Variants in PTPRG observed in about 807,000 individuals in gnomAD.
The protein encoded by PTPRG is protein tyrosine phosphatase receptor type G, also known as receptor-type tyrosine-protein phosphatase gamma.
PTPRG carries 102 observed loss-of-function variants against 165.3 expected under a neutral mutation model. The observed-to-expected ratio is 0.62, with a 90% CI of 0.53 to 0.73. PTPRG has a LOEUF of 0.73. Ranked by LOEUF, PTPRG falls within the 30% of genes least tolerant of loss-of-function variation. PTPRG has a pLI of 0.00. For synonymous variants in PTPRG, 675 were observed against 669.5 expected, an observed-to-expected ratio of 1.01 and a Z score of -0.13; for missense variants, 1,866 against 1,861.4, an observed-to-expected ratio of 1.00 and a Z score of -0.05.
chr3:61,724,273 T>C (rs2032169350), intron 1 of PTPRG, among the ~76,000 whole-genome samples: 1 of 151,672 alleles, frequency 6.6e-6, no homozygotes, highest in African/African-American at 2.4e-5. Context: ...ATATAGTGTG[T>C]GACTTTCATA....
intron 2 of PTPRG, among the ~76,000 whole-genome samples, chr3:61,885,306 T>C (rs1178924070): frequency 6.6e-6 from 1 of 152,188 alleles, no homozygotes; most frequent in African/African-American, 2.4e-5. Flanking sequence ...TGTGGATTTC[T>C]TTTTTACTAC....
intron 2 of PTPRG, among the ~76,000 whole-genome samples, chr3:61,887,141 TA>T (rs2038065488): frequency 5.5e-5 from 3 of 54,716 alleles, no homozygotes; most frequent in South Asian, 1.3e-3. Context: ...TATATATATA[TA>T]TATATATATA....
intron 2 of PTPRG, among the ~76,000 whole-genome samples, chr3:61,901,010 G>T (rs185418605): frequency 2.0e-5 from 3 of 152,294 alleles, no homozygotes; most frequent in Middle Eastern, 3.4e-3. Flanking sequence ...TTAGTTCAGC[G>T]CCTGGAACAT....
At chr3:61,989,899 G>T (rs893224280) in intron 3 of PTPRG, 95 bp downstream of exon 3, 2 of 1,373,860 alleles carry the variant, frequency 1.5e-6, no homozygotes, top group Non-Finnish European at 2.0e-6. Context: ...TCCTTAAATA[G>T]TGCACATTGC....
At chr3:61,632,306 TACAC>T (rs1025266929) in intron 1 of PTPRG, among the ~76,000 whole-genome samples, 5 of 123,604 alleles carry the variant, frequency 4.0e-5, no homozygotes, top group Admixed American at 3.2e-4. Flanking sequence ...GAGACCCTGT[TACAC>T]ACGCACATAC....
intron 15 of PTPRG, among the ~76,000 whole-genome samples, chr3:62,244,449 A>C (rs1033787016): frequency 2.0e-5 from 3 of 152,206 alleles, no homozygotes; most frequent in Non-Finnish European, 4.4e-5. Context: ...GGTTAGGTGT[A>C]ATAGGATGTG....
At chr3:62,031,119 C>A (rs905679210) in intron 4 of PTPRG, among the ~76,000 whole-genome samples, 2 of 152,114 alleles carry the variant, frequency 1.3e-5, no homozygotes, top group South Asian at 2.1e-4. Flanking sequence ...TGAACAAATA[C>A]GTAATCAACA....
intron 2 of PTPRG, among the ~76,000 whole-genome samples, chr3:61,775,593 C>T (rs888145467): frequency 1.3e-5 from 2 of 152,022 alleles, no homozygotes; most frequent in Non-Finnish European, 2.9e-5. Flanking sequence ...CTCAACAATC[C>T]TAGAAATAGC....
At position 62,265,896 on chromosome 3, in the gene PTPRG, T is replaced by TACACACACACACAC. The variant is rs143246257; in HGVS notation, c.2657-1497_2657-1484dup. On this transcript the variant is annotated intron_variant, in intron 17 of 29. Coordinates refer to ENST00000474889, the MANE Select transcript of PTPRG (RefSeq NM_002841.4). Reference sequence around the variant, plus strand: ...CACACGTATACATCTGTGCCTTATATACACACACACACACACACACACACA... The same window carrying TACACACACACACAC: ...CACACGTATACATCTGTGCCTTATATACACACACACACACACACACACACACACACACACACACA... 4.7e-3 allele frequency among the ~76,000 whole-genome samples: 615 copies of TACACACACACACAC among 130,596 alleles called. 7 individuals are homozygous for TACACACACACACAC. The highest frequency in any genetic ancestry group is 0.012 in the Middle Eastern group (3 of 246). The allele number at this position is 130,596 out of a possible 152,430, so 85.7% of individuals were successfully genotyped here.
intron 2 of PTPRG, among the ~76,000 whole-genome samples, chr3:61,902,238 G>A (rs1255623434): frequency 1.3e-5 from 2 of 152,176 alleles, no homozygotes; most frequent in African/African-American, 4.8e-5. Context: ...ATGTTAGGGT[G>A]GCCTAAGGTA....
chr3:62,042,563 C>T (rs949505711), intron 4 of PTPRG, among the ~76,000 whole-genome samples: 1 of 152,116 alleles, frequency 6.6e-6, no homozygotes, highest in African/African-American at 2.4e-5. Flanking sequence ...CGCACCGCCA[C>T]CCTGCATGAC....
chr3:62,162,225 AT>A (rs1487892452), intron 7 of PTPRG, among the ~76,000 whole-genome samples: 1 of 152,214 alleles, frequency 6.6e-6, no homozygotes, highest in Non-Finnish European at 1.5e-5. Flanking sequence ...TACTTTTATA[AT>A]AAAAACTAAG....
At chr3:62,123,796 G>A (rs1703172685) in intron 5 of PTPRG, among the ~76,000 whole-genome samples, 1 of 151,952 alleles carries the variant, frequency 6.6e-6, no homozygotes, top group South Asian at 2.1e-4. Flanking sequence ...GTGTCAAAAA[G>A]GTAATTTCTG....
At chr3:61,736,246 AAGGTTC>A (rs1465148553) in intron 1 of PTPRG, among the ~76,000 whole-genome samples, 1 of 151,206 alleles carries the variant, frequency 6.6e-6, no homozygotes, top group African/African-American at 2.4e-5. Context: ...TCACTGACAT[AAGGTTC>A]CTCTGAAATC....
chr3:62,086,488 CT>C (rs1424406075), intron 5 of PTPRG, among the ~76,000 whole-genome samples: 1 of 152,070 alleles, frequency 6.6e-6, no homozygotes, highest in African/African-American at 2.4e-5. Context: ...TTAGAACTTC[CT>C]TCTTAGACTG....
At chr3:62,083,764 G>A (rs184032115) in intron 5 of PTPRG, among the ~76,000 whole-genome samples, 1 of 152,134 alleles carries the variant, frequency 6.6e-6, no homozygotes, top group Non-Finnish European at 1.5e-5. Context: ...CTTGGCTTCC[G>A]TCTGTTTCTT....
chr3:62,204,096 A>G, intron 12 of PTPRG, 146 bp downstream of exon 12: 1 of 1,352,952 alleles, frequency 7.4e-7, no homozygotes. Flanking sequence ...AGGTGCACAC[A>G]TGTGAAATGT....
chr3:62,185,153 T>C (rs899184855), intron 8 of PTPRG, among the ~76,000 whole-genome samples: 2 of 152,048 alleles, frequency 1.3e-5, no homozygotes, highest in African/African-American at 4.8e-5. Flanking sequence ...GGGATCATAA[T>C]TAAAGGTGGT....
rs1043363758 is a variant in PTPRG at position 61,989,900 on chromosome 3, T to A, written c.370+96T>A. The A allele has an allele frequency of 1.2e-5, 16 of 1,347,926 alleles. No homozygotes were observed. In the African/African-American group the frequency reaches 2.4e-4, roughly 20 times the overall value. The allele number at this position is 1,347,926 out of a possible 1,614,324, so 83.5% of individuals were successfully genotyped here. On this transcript the variant is annotated intron_variant, in intron 3 of 29. Coordinates refer to ENST00000474889, the MANE Select transcript of PTPRG (RefSeq NM_002841.4). The stretch of plus-strand genomic sequence containing the variant: ...TAACCATGACTTGCTCCTTAAATAG[T>A]GCACATTGCTGTGGGGAGCCTAAAT...
Sources: allele counts gnomAD v4.1 joint callset (sites outside exome capture counted in the v4.1 genomes callset), GRCh38; gene constraint gnomAD v4.1.1; transcripts MANE v1.5; gene names NCBI Gene and HGNC (gene_info 2026-07-23, HGNC 2026-07-21).